KCNIP1: variants seen among roughly 807,000 people sequenced by gnomAD.
KCNIP1 encodes potassium voltage-gated channel interacting protein 1, also known as A-type potassium channel modulatory protein KCNIP1.
A neutral mutation model predicts 33.0 loss-of-function variants in KCNIP1; 18 were observed. The observed-to-expected ratio is 0.55, with a 90% CI of 0.38 to 0.81. The LOEUF (loss-of-function observed/expected upper bound fraction) is 0.81, where lower values mean the gene tolerates loss of function less well. KCNIP1 is among the 30% of genes least tolerant of loss of function. The pLI, the probability that KCNIP1 is intolerant of heterozygous loss-of-function variation, is 0.00. For synonymous variants in KCNIP1, 93 were observed against 98.3 expected (o/e 0.95, Z 0.32); for missense variants, 238 against 271.6 (o/e 0.88, Z 0.87).
At chr5:170,435,850 C>T (rs181512900) in intron 1 of KCNIP1, among the ~76,000 whole-genome samples, 1 of 152,204 alleles carries the variant, frequency 6.6e-6, no homozygotes, top group East Asian at 1.9e-4. Context: ...AATTTCTCTC[C>T]CTTTCCTACA....
chr5:170,679,403 T>C (rs191602754), intron 1 of KCNIP1: 2 of 152,284 alleles, frequency 1.3e-5, no homozygotes, highest in East Asian at 3.9e-4. Context: ...TTCCCGAGTC[T>C]CAATCCAATA....
chr5:170,670,260 G>A (rs1194903995), intron 1 of KCNIP1, among the ~76,000 whole-genome samples: 1 of 152,236 alleles, frequency 6.6e-6, no homozygotes, highest in East Asian at 1.9e-4. Context: ...TGGATGGACA[G>A]ATGGACGGAG....
chr5:170,501,933 C>A (rs1171284270), upstream of KCNIP1, among the ~76,000 whole-genome samples: 1 of 152,192 alleles, frequency 6.6e-6, no homozygotes, highest in African/African-American at 2.4e-5. Flanking sequence ...GGATTCCAGG[C>A]CTCCCTGGCC....
chr5:170,378,685 A>T, intron 1 of KCNIP1: 1 of 1,589,518 alleles, frequency 6.3e-7, no homozygotes, highest in Non-Finnish European at 8.6e-7. Flanking sequence ...GACAAGTGGT[A>T]TGGCATGGAT....
At chr5:170,384,635 C>T (rs903218405) in intron 1 of KCNIP1, among the ~76,000 whole-genome samples, 7 of 152,208 alleles carry the variant, frequency 4.6e-5, no homozygotes, top group African/African-American at 1.7e-4. Context: ...TGGAACGTGC[C>T]CAGAGCACAG....
chr5:170,376,745 C>G (rs1386750945), intron 1 of KCNIP1: 1 of 152,082 alleles, frequency 6.6e-6, no homozygotes, highest in Admixed American at 6.5e-5. Context: ...CGTATACGTA[C>G]CACATTTTCT....
At chr5:170,595,207 G>T (rs1758403081) in intron 1 of KCNIP1, among the ~76,000 whole-genome samples, 1 of 152,212 alleles carries the variant, frequency 6.6e-6, no homozygotes, top group Admixed American at 6.5e-5. Flanking sequence ...GTGGGGTGGG[G>T]TTTAAAAATG....
intron 1 of KCNIP1, among the ~76,000 whole-genome samples, chr5:170,356,948 G>A (rs1356611149): frequency 6.6e-6 from 1 of 152,138 alleles, no homozygotes; most frequent in Non-Finnish European, 1.5e-5. Context: ...TGAGCCTCCA[G>A]CCACGTAAAA....
intron 1 of KCNIP1, among the ~76,000 whole-genome samples, chr5:170,484,582 CT>C (rs1298071476): frequency 1.3e-5 from 2 of 152,114 alleles, no homozygotes; most frequent in African/African-American, 4.8e-5. Context: ...CTGTTTCTGT[CT>C]ACCCATTCGT....
intron 1 of KCNIP1, among the ~76,000 whole-genome samples, chr5:170,547,416 A>C (rs949241345): frequency 1.3e-5 from 2 of 152,122 alleles, no homozygotes; most frequent in African/African-American, 2.4e-5. Flanking sequence ...CAGGATGTGC[A>C]GGTTTGTTGC....
intron 1 of KCNIP1, among the ~76,000 whole-genome samples, chr5:170,565,898 G>A (rs928360570): frequency 2.0e-5 from 3 of 152,254 alleles, no homozygotes; most frequent in Middle Eastern, 3.4e-3. Context: ...TGCCTAATAT[G>A]TAGGGAAATG....
chr5:170,717,171 TGTTAAAATGG>T (rs1561781242), intron 1 of KCNIP1, among the ~76,000 whole-genome samples: 1 of 152,254 alleles, frequency 6.6e-6, no homozygotes, highest in Non-Finnish European at 1.5e-5. Flanking sequence ...TTAATTTCTC[TGTTAAAATGG>T]GTTAAAATAG....
At chr5:170,607,158 G>T (rs1229593846) in intron 1 of KCNIP1, among the ~76,000 whole-genome samples, 2 of 152,198 alleles carry the variant, frequency 1.3e-5, no homozygotes, top group Non-Finnish European at 2.9e-5. Context: ...ATGCCCAAGG[G>T]TGTGGCTCTG....
rs1561634529 is a variant in KCNIP1, at chr5:170,456,697, C to CTTTT, written c.88+102734_88+102735insTTTT. Among the ~76,000 whole-genome samples the CTTTT allele has an allele frequency of 2.7e-4, 13 of 47,344 alleles. No individual in the cohort carries two copies. The South Asian group carries it at 4.2e-3, about 15-fold the overall frequency. The allele number at this position is 47,344 out of a possible 152,430, so 31.1% of individuals were successfully genotyped here. A position where few individuals can be genotyped will look rare whatever the true frequency, so the allele number is the denominator to read the frequency against. ...TCTCTTTCTTTCTTTCTCTCTCTCTCTCTTTTTCTTTCTTTCTTTCTTTCT... is the reference window on the plus strand; with the variant it reads ...TCTCTTTCTTTCTTTCTCTCTCTCTCTTTTTCTTTTTCTTTCTTTCTTTCTTTCT... On this transcript the variant is annotated intron_variant, in intron 1 of 7. Transcript: ENST00000377360.
chr5:170,381,133 G>T (rs764409563), intron 1 of KCNIP1, among the ~76,000 whole-genome samples: 4 of 152,168 alleles, frequency 2.6e-5, no homozygotes, highest in Non-Finnish European at 5.9e-5. Context: ...TGCCTGCTCA[G>T]GGTTCCTCTG....
chr5:170,416,983 A>G (rs1053456811), intron 1 of KCNIP1, among the ~76,000 whole-genome samples: 2 of 152,214 alleles, frequency 1.3e-5, no homozygotes, highest in Middle Eastern at 3.2e-3. Context: ...AATTGAGTGT[A>G]TCTTTTGCCC....
chr5:170,722,000 AG>A, intron 4 of KCNIP1, 97 bp downstream of exon 4: 2 of 1,398,158 alleles, frequency 1.4e-6, no homozygotes, highest in South Asian at 2.5e-5. Context: ...GACCATCAAA[AG>A]CTCTCAGTCA....
In KCNIP1 at chr5:170,363,722, A is replaced by T. The variant is rs75177204; in HGVS notation, c.88+9758A>T. On this transcript the variant is annotated intron_variant, in intron 1 of 7. Coordinates refer to the KCNIP1 transcript ENST00000377360. ...CTGTGACAAACATATATAACATTAA[A>T]TTTACTATTTTAACCATTTTTAAGT... Among the ~76,000 whole-genome samples, 190 of 152,286 alleles carry T rather than the reference A, an allele frequency of 1.2e-3. 3 individuals carry two copies. The East Asian group carries it at 0.023, about 19-fold the overall frequency.
chr5:170,478,466 A>G (rs1476552760), intron 1 of KCNIP1, among the ~76,000 whole-genome samples: 2 of 152,054 alleles, frequency 1.3e-5, no homozygotes, highest in Non-Finnish European at 2.9e-5. Flanking sequence ...GATGGAGTGT[A>G]GATCCCTCGG....
Sources: gnomAD v4.1 joint callset for allele counts (sites outside exome capture counted in the v4.1 genomes callset) on GRCh38, gnomAD v4.1.1 for gene constraint, MANE v1.5 for transcripts, NCBI Gene and HGNC (gene_info 2026-07-23, HGNC 2026-07-21) for gene names.